CDH12: variants seen among roughly 807,000 people sequenced by gnomAD.
CDH12 encodes the protein cadherin 12, also known as cadherin-12.
In CDH12, 41 loss-of-function variants were observed where a neutral mutation model predicts 74.1. The observed-to-expected ratio is 0.55, with a 90% CI of 0.43 to 0.72. The LOEUF (loss-of-function observed/expected upper bound fraction) is 0.72. CDH12 is among the 30% of genes least tolerant of loss of function. The pLI, the probability that CDH12 is intolerant of heterozygous loss-of-function variation, is 0.00. For missense variants in CDH12, 945 were observed against 977.2 expected, an observed-to-expected ratio of 0.97 and a Z score of 0.44; for synonymous variants, 399 against 355.0, an observed-to-expected ratio of 1.12 and a Z score of -1.39.
chr5:22,614,059 T>G (rs1737559301), intron 1 of CDH12, among the ~76,000 whole-genome samples: 1 of 152,086 alleles, frequency 6.6e-6, no homozygotes, highest in Non-Finnish European at 1.5e-5. Context: ...AAGTACAAAA[T>G]TTACTTATAA....
chr5:22,020,781 C>T (rs963885160), intron 5 of CDH12, among the ~76,000 whole-genome samples: 17 of 152,022 alleles, frequency 1.1e-4, no homozygotes, highest in African/African-American at 3.9e-4. Flanking sequence ...TGTCAATTAC[C>T]ACCTAAAGAC....
chr5:21,988,309 T>C (rs928973075), intron 5 of CDH12, among the ~76,000 whole-genome samples: 4 of 151,714 alleles, frequency 2.6e-5, no homozygotes, highest in African/African-American at 9.7e-5. Context: ...CTGGCCAACA[T>C]GATGAAAACC....
chr5:21,789,013 T>C lies in CDH12; in HGVS notation c.1257-5519A>G, dbSNP rs116071015. ...GTGGATATTTTCTAGTGTGAAATTA[T>C]TTCTTTAATGATTTTTATTATATAA... On this transcript the variant is annotated intron_variant, in intron 10 of 14. Transcript: ENST00000382254. Among the ~76,000 whole-genome samples the C allele has an allele frequency of 5.3e-3, 799 of 152,136 alleles. 10 individuals carry two copies. Among genetic ancestry groups the C allele is most frequent in the African/African-American group, 0.019 (770 of 41,570 alleles).
chr5:22,419,895 T>A (rs937917219), intron 2 of CDH12, among the ~76,000 whole-genome samples: 2 of 152,228 alleles, frequency 1.3e-5, no homozygotes, highest in Non-Finnish European at 2.9e-5. Flanking sequence ...ATTTCTCTGA[T>A]GATCAGTGAT....
In CDH12 at chr5:22,522,960, T is replaced by C. The variant is rs566437594; in HGVS notation, c.-522-17596A>G. On this transcript the variant is annotated intron_variant, in intron 1 of 14. Coordinates refer to ENST00000382254, the MANE Select transcript of CDH12 (RefSeq NM_004061.5). ...AAAGAGTCTATGTCCCTGGACAACT[T>C]TGCCATCCACTCAGACATCATACCT... Among the ~76,000 whole-genome samples the C allele has an allele frequency of 3.0e-3, 462 of 152,304 alleles. 9 individuals are homozygous for C. Among genetic ancestry groups the C allele is most frequent in the Non-Finnish European group, 9.3e-4 (63 of 68,020 alleles).
At chr5:22,395,530 T>G (rs1427289268) in intron 3 of CDH12, among the ~76,000 whole-genome samples, 1 of 152,158 alleles carries the variant, frequency 6.6e-6, no homozygotes, top group Non-Finnish European at 1.5e-5. Context: ...TATTAGGCTC[T>G]GTTTCTCTAA....
chr5:22,799,730 G>A (rs1051802169), intron 1 of CDH12, among the ~76,000 whole-genome samples: 1 of 151,956 alleles, frequency 6.6e-6, no homozygotes, highest in African/African-American at 2.4e-5. Flanking sequence ...AATACTTATT[G>A]AACACTTTGA....
chr5:22,142,366 T>C (rs1746856993), intron 4 of CDH12: 2 of 450,872 alleles, frequency 4.4e-6, no homozygotes, highest in South Asian at 3.8e-5. Context: ...AGTAGAACAA[T>C]GGGATTATGC....
intron 4 of CDH12, among the ~76,000 whole-genome samples, chr5:22,080,383 T>G (rs1187829118): frequency 6.6e-6 from 1 of 152,150 alleles, no homozygotes; most frequent in Non-Finnish European, 1.5e-5. Flanking sequence ...AAAGTTATAC[T>G]CTGAAAGTAT....
At chr5:21,924,084 A>C (rs1754478469) in intron 6 of CDH12, among the ~76,000 whole-genome samples, 1 of 152,168 alleles carries the variant, frequency 6.6e-6, no homozygotes. Context: ...AACTGTAACA[A>C]CACCACTAAT....
chr5:21,903,488 G>A (rs1753492548), intron 6 of CDH12, among the ~76,000 whole-genome samples: 1 of 152,086 alleles, frequency 6.6e-6, no homozygotes, highest in Admixed American at 6.6e-5. Flanking sequence ...ATATGCTTCA[G>A]AAGAAGGCTA....
At chr5:22,233,309 T>A (rs919520151) in intron 3 of CDH12, among the ~76,000 whole-genome samples, 14 of 151,452 alleles carry the variant, frequency 9.2e-5, no homozygotes, top group Admixed American at 2.0e-4. Flanking sequence ...AAAAAAAATA[T>A]ATATATATAG....
At chr5:22,249,005 T>C (rs1753049809) in intron 3 of CDH12, among the ~76,000 whole-genome samples, 1 of 152,148 alleles carries the variant, frequency 6.6e-6, no homozygotes, top group Admixed American at 6.5e-5. Context: ...TACCGTTCTG[T>C]AAATACAGTA....
chr5:21,904,954 A>G (rs910656779), intron 6 of CDH12, among the ~76,000 whole-genome samples: 1 of 152,186 alleles, frequency 6.6e-6, no homozygotes, highest in African/African-American at 2.4e-5. Flanking sequence ...AATAACCATA[A>G]AGTTCAAAAT....
intron 1 of CDH12, among the ~76,000 whole-genome samples, chr5:22,681,427 C>G (rs892960173): frequency 6.6e-6 from 1 of 151,798 alleles, no homozygotes; most frequent in African/African-American, 2.4e-5. Flanking sequence ...AAGTTCCATG[C>G]CTGAGTAGTA....
chr5:22,120,825 A>T lies in CDH12; in HGVS notation c.-186-41963T>A, dbSNP rs951639238. Among the ~76,000 whole-genome samples, 3 of 152,166 alleles carry T rather than the reference A, an allele frequency of 2.0e-5. No homozygotes were observed. In the East Asian group the frequency reaches 5.8e-4, roughly 29 times the overall value. Reference sequence around the variant, plus strand: ...CATTAATTTCTTTATTCAATTTATCATGTAACTTCTATACCTCAAATGTAC... The same window carrying T: ...CATTAATTTCTTTATTCAATTTATCTTGTAACTTCTATACCTCAAATGTAC... On this transcript the variant is annotated intron_variant, in intron 4 of 14. Transcript: ENST00000382254.
chr5:21,805,767 T>C (rs1747393361), intron 9 of CDH12, among the ~76,000 whole-genome samples: 1 of 152,144 alleles, frequency 6.6e-6, no homozygotes, highest in Non-Finnish European at 1.5e-5. Flanking sequence ...TTGAAATAAA[T>C]ATAGAATAAA....
intron 6 of CDH12, among the ~76,000 whole-genome samples, chr5:21,949,048 A>G (rs1561321279): frequency 6.6e-6 from 1 of 152,156 alleles, no homozygotes; most frequent in African/African-American, 2.4e-5. Context: ...TTTATGAATT[A>G]CCCAATCTCA....
At chr5:22,308,691 G>T (rs944250432) in intron 3 of CDH12, among the ~76,000 whole-genome samples, 5 of 151,996 alleles carry the variant, frequency 3.3e-5, no homozygotes, top group Non-Finnish European at 5.9e-5. Flanking sequence ...TCCTTAACTT[G>T]ATCACATCGA....
Sources: gnomAD v4.1 joint callset for allele counts (sites outside exome capture counted in the v4.1 genomes callset) on GRCh38, gnomAD v4.1.1 for gene constraint, MANE v1.5 for transcripts, NCBI Gene and HGNC (gene_info 2026-07-23, HGNC 2026-07-21) for gene names.